TEX9: variants seen among roughly 807,000 people sequenced by gnomAD.
The protein encoded by TEX9 is testis-expressed protein 9.
In TEX9, 74 loss-of-function variants were observed where a neutral mutation model predicts 59.6. The ratio of observed to expected loss-of-function variants is 1.24; its 90% CI spans 1.03 to 1.51. The LOEUF (loss-of-function observed/expected upper bound fraction) is 1.51. Among genes scored for constraint, TEX9 ranks in the 40% most tolerant of loss-of-function variants. The pLI is 0.00. For missense variants in TEX9, 522 were observed against 447.8 expected, an observed-to-expected ratio of 1.17 and a Z score of -1.49; for synonymous variants, 186 against 152.2, an observed-to-expected ratio of 1.22 and a Z score of -1.64.
At chr15:56,271,464 G>C (rs1310105628) in intron 1 of TEX9, among the ~76,000 whole-genome samples, 1 of 151,860 alleles carries the variant, frequency 6.6e-6, no homozygotes, top group African/African-American at 2.4e-5. Context: ...CGTAGTTCTC[G>C]TGCCATGCTT....
intron 9 of TEX9, chr15:56,398,298 G>T (rs1487547086): frequency 2.0e-5 from 3 of 151,378 alleles, no homozygotes; most frequent in African/African-American, 7.3e-5. Flanking sequence ...GAATATATTA[G>T]GTTAAGTGAA....
At chr15:56,271,227 T>C (rs981298763) in intron 1 of TEX9, among the ~76,000 whole-genome samples, 11 of 152,108 alleles carry the variant, frequency 7.2e-5, no homozygotes, top group African/African-American at 2.7e-4. Flanking sequence ...TCCTGAAGAG[T>C]ATTTTCGAGC....
intron 1 of TEX9, among the ~76,000 whole-genome samples, chr15:56,291,550 C>T (rs2045093167): frequency 2.6e-5 from 4 of 152,156 alleles, no homozygotes; most frequent in Admixed American, 2.6e-4. Context: ...ACATACTTAT[C>T]ATTTCTTTGT....
rs1489027048 is a variant in TEX9, at chr15:56,248,119, C to A, written c.-107+3841C>A. Among the ~76,000 whole-genome samples, 3 of 152,114 alleles carry A rather than the reference C, an allele frequency of 2.0e-5. No homozygotes were observed. In the South Asian group the frequency reaches 6.2e-4, roughly 31 times the overall value. On this transcript the variant is annotated intron_variant, in intron 1 of 5. Transcript: ENST00000560827. Reference sequence around the variant, plus strand: ...CAATGCTGTAATGTGATTGAGCTTTCTTTCAGTCTTTAATAGCATTAGAGA... The same window carrying A: ...CAATGCTGTAATGTGATTGAGCTTTATTTCAGTCTTTAATAGCATTAGAGA...
intron 1 of TEX9, among the ~76,000 whole-genome samples, chr15:56,330,956 A>G (rs1311820195): frequency 6.6e-6 from 1 of 152,218 alleles, no homozygotes; most frequent in Non-Finnish European, 1.5e-5. Flanking sequence ...GAAAATAAAG[A>G]AATGGAAAAA....
intron 1 of TEX9, among the ~76,000 whole-genome samples, chr15:56,271,397 A>G (rs773994001): frequency 6.6e-6 from 1 of 152,060 alleles, no homozygotes; most frequent in Non-Finnish European, 1.5e-5. Flanking sequence ...ATCTTGAATC[A>G]CTGATACCCT....
intron 12 of TEX9, among the ~76,000 whole-genome samples, chr15:56,436,508 A>G (rs1302868017): frequency 6.6e-6 from 1 of 152,216 alleles, no homozygotes; most frequent in African/African-American, 2.4e-5. Flanking sequence ...AAATCAGGAA[A>G]GATCTAAAAT....
At chr15:56,313,508 C>G (rs1299222922) in intron 1 of TEX9, among the ~76,000 whole-genome samples, 1 of 144,730 alleles carries the variant, frequency 6.9e-6, no homozygotes, top group Non-Finnish European at 1.5e-5. Context: ...CCCACTTGAT[C>G]ATGGTGGATA....
chr15:56,429,859 CCCT>C (rs1206863180), intron 12 of TEX9: 2 of 152,154 alleles, frequency 1.3e-5, no homozygotes, highest in African/African-American at 4.8e-5. Context: ...GTTTATTAAT[CCCT>C]CCTGCTGCCT....
intron 3 of TEX9, among the ~76,000 whole-genome samples, chr15:56,380,023 A>G (rs1441387299): frequency 6.6e-6 from 1 of 152,020 alleles, no homozygotes; most frequent in African/African-American, 2.4e-5. Flanking sequence ...TAGTGCATTT[A>G]CATTCAGTGT....
intron 10 of TEX9, 127 bp downstream of exon 10, chr15:56,412,563 AAT>A: frequency 9.3e-7 from 1 of 1,076,032 alleles, no homozygotes; most frequent in Non-Finnish European, 1.3e-6. Flanking sequence ...TTTCAGAAGA[AAT>A]ATATTCATTA....
intron 12 of TEX9, chr15:56,444,499 T>C (rs1358241652): frequency 6.2e-7 from 1 of 1,611,248 alleles, no homozygotes; most frequent in Non-Finnish European, 8.5e-7. Flanking sequence ...AGTTTCTCTT[T>C]TAGCAGCTGC....
At chr15:56,429,392 C>T in intron 12 of TEX9, 1 of 439,818 alleles carries the variant, frequency 2.3e-6, no homozygotes. Context: ...CTAGACTGAC[C>T]CAATTTTCTG....
chr15:56,251,387 C>G (rs1382307925), intron 1 of TEX9, among the ~76,000 whole-genome samples: 1 of 152,106 alleles, frequency 6.6e-6, no homozygotes, highest in East Asian at 1.9e-4. Flanking sequence ...GTAACCCTGG[C>G]CCCCTAGTTG....
intron 1 of TEX9, among the ~76,000 whole-genome samples, chr15:56,292,866 A>G (rs546185522): frequency 2.8e-4 from 42 of 152,240 alleles, no homozygotes; most frequent in African/African-American, 1.0e-3. Context: ...TTCCTGTGGG[A>G]TCAGGCTATG....
intron 9 of TEX9, among the ~76,000 whole-genome samples, chr15:56,400,336 G>A (rs148026647): frequency 5.3e-5 from 8 of 152,252 alleles, no homozygotes; most frequent in African/African-American, 7.2e-5. Context: ...TCCGTGATGC[G>A]TGGACAAGCT....
At chr15:56,300,571 G>A (rs962165082) in intron 1 of TEX9, among the ~76,000 whole-genome samples, 2 of 152,124 alleles carry the variant, frequency 1.3e-5, no homozygotes, top group African/African-American at 4.8e-5. Flanking sequence ...AGTGTTTGCT[G>A]TGGGCCCTGT....
intron 12 of TEX9, chr15:56,429,495 T>G: frequency 3.7e-6 from 1 of 272,680 alleles, no homozygotes; most frequent in Non-Finnish European, 6.8e-6. Context: ...AGGCACTTCA[T>G]CTATACTGTA....
intron 1 of TEX9, among the ~76,000 whole-genome samples, chr15:56,249,422 A>G (rs2718931): frequency 0.029 from 4,417 of 151,228 alleles, 163 homozygotes; most frequent in East Asian, 0.097. Context: ...AGGGGGTTAA[A>G]AAGGTAAGCA....
Sources: gnomAD v4.1 joint callset for allele counts (sites outside exome capture counted in the v4.1 genomes callset) on GRCh38, gnomAD v4.1.1 for gene constraint, MANE v1.5 for transcripts, NCBI Gene and HGNC (gene_info 2026-07-23, HGNC 2026-07-21) for gene names.